The following FHOD3 variants were observed in gnomAD, a reference collection of about 807,000 sequenced individuals.
FHOD3 encodes the protein FH1/FH2 domain-containing protein 3.
FHOD3 carries 90 observed loss-of-function variants against 173.0 expected under a neutral mutation model. The observed-to-expected ratio is 0.52, with a 90% CI of 0.44 to 0.62. The LOEUF (loss-of-function observed/expected upper bound fraction) is 0.62, where lower values mean the gene tolerates loss of function less well. Ranked by LOEUF, FHOD3 falls within the 20% of genes least tolerant of loss-of-function variation. FHOD3 has a pLI of 0.00. For synonymous variants in FHOD3, 828 were observed against 823.0 expected (o/e 1.01, Z -0.10); for missense variants, 1,945 against 2,034.7 (o/e 0.96, Z 0.85).
At chr18:36,464,915 C>T (rs928146765) in intron 3 of FHOD3, among the ~76,000 whole-genome samples, 2 of 152,066 alleles carry the variant, frequency 1.3e-5, no homozygotes, top group African/African-American at 2.4e-5. Context: ...CTTCAGTGTC[C>T]GACTATCTTT....
At chr18:36,443,056 C>T (rs909682467) in intron 3 of FHOD3, among the ~76,000 whole-genome samples, 6 of 152,190 alleles carry the variant, frequency 3.9e-5, no homozygotes, top group Non-Finnish European at 7.3e-5. Context: ...ATGCCCTTCT[C>T]AGTTCATTGT....
intron 28 of FHOD3, among the ~76,000 whole-genome samples, chr18:36,770,525 G>C (rs1342844326): frequency 6.6e-6 from 1 of 152,174 alleles, no homozygotes; most frequent in Non-Finnish European, 1.5e-5. Context: ...TTTCGTTTCT[G>C]ATGAGAATTT....
chr18:36,475,185 C>CCCCAGA (rs946190275), intron 3 of FHOD3, among the ~76,000 whole-genome samples: 2 of 152,182 alleles, frequency 1.3e-5, no homozygotes, highest in African/African-American at 4.8e-5. Context: ...CAGAAGCCCA[C>CCCCAGA]AGGTGGTTCA....
At chr18:36,309,775 G>A (rs2092205634) in intron 1 of FHOD3, among the ~76,000 whole-genome samples, 1 of 151,782 alleles carries the variant, frequency 6.6e-6, no homozygotes, top group Non-Finnish European at 1.5e-5. Context: ...GTGGTTTTTT[G>A]TTCCCAGAAC....
intron 10 of FHOD3, among the ~76,000 whole-genome samples, chr18:36,629,324 A>T (rs978334053): frequency 2.0e-5 from 3 of 152,232 alleles, no homozygotes; most frequent in Non-Finnish European, 4.4e-5. Context: ...TTCCAGTGAC[A>T]TTTTATTTAT....
chr18:36,549,590 T>A (rs1395721983), intron 5 of FHOD3, among the ~76,000 whole-genome samples: 1 of 134,162 alleles, frequency 7.5e-6, no homozygotes, highest in African/African-American at 2.8e-5. Flanking sequence ...CAGGCTGGAG[T>A]GCAGTGGTGT....
chr18:36,326,492 C>T (rs148457948), intron 1 of FHOD3, among the ~76,000 whole-genome samples: 6 of 152,258 alleles, frequency 3.9e-5, no homozygotes, highest in Non-Finnish European at 7.4e-5. Context: ...TCAGGTCAGG[C>T]GCGGTTGCTC....
At chr18:36,346,060 A>G (rs1255891670) in intron 1 of FHOD3, among the ~76,000 whole-genome samples, 1 of 152,182 alleles carries the variant, frequency 6.6e-6, no homozygotes, top group Admixed American at 6.5e-5. Flanking sequence ...TAGACATAAC[A>G]CGTTAAAAAC....
intron 5 of FHOD3, among the ~76,000 whole-genome samples, chr18:36,576,070 C>T (rs758330914): frequency 1.3e-5 from 2 of 152,214 alleles, no homozygotes; most frequent in Non-Finnish European, 2.9e-5. Flanking sequence ...TTGGAAACTT[C>T]GTTTGTCCTT....
chr18:36,606,669 G>C (rs2148546989), intron 8 of FHOD3, among the ~76,000 whole-genome samples: 1 of 152,252 alleles, frequency 6.6e-6, no homozygotes, highest in East Asian at 1.9e-4. Context: ...AGTCTCATCT[G>C]AATCAGGTAT....
chr18:36,503,312 A>C (rs775020574), intron 4 of FHOD3, among the ~76,000 whole-genome samples: 1 of 152,190 alleles, frequency 6.6e-6, no homozygotes, highest in Non-Finnish European at 1.5e-5. Context: ...TCTAGTTTAC[A>C]TTCTACTTCT....
At chr18:36,335,928 G>A (rs2045284972) in intron 1 of FHOD3, among the ~76,000 whole-genome samples, 1 of 152,292 alleles carries the variant, frequency 6.6e-6, no homozygotes, top group Admixed American at 6.5e-5. Flanking sequence ...TGAAAACCGG[G>A]TTATACTCAT....
intron 3 of FHOD3, among the ~76,000 whole-genome samples, chr18:36,454,957 C>T (rs1302558912): frequency 6.6e-6 from 1 of 152,226 alleles, no homozygotes; most frequent in Non-Finnish European, 1.5e-5. Context: ...ACCTTTCTCT[C>T]ATCTGCAGAG....
At chr18:36,502,144 C>T (rs184541219) in intron 4 of FHOD3, 145 bp downstream of exon 4, 468 of 420,616 alleles carry the variant, frequency 1.1e-3, no homozygotes, top group Non-Finnish European at 1.8e-3. Context: ...TACATTAGGT[C>T]ATAATATCAG....
intron 1 of FHOD3, among the ~76,000 whole-genome samples, chr18:36,300,988 C>T (rs1326578926): frequency 6.6e-6 from 1 of 152,142 alleles, no homozygotes; most frequent in East Asian, 1.9e-4. Flanking sequence ...GTGATCTGCC[C>T]ACCTCGGCCT....
chr18:36,754,224 A>G (rs963363347), intron 24 of FHOD3, among the ~76,000 whole-genome samples: 1 of 152,154 alleles, frequency 6.6e-6, no homozygotes, highest in African/African-American at 2.4e-5. Context: ...ATTCGTCTCA[A>G]AAAGAGTAAG....
At chr18:36,441,471 G>A (rs1327789473) in intron 3 of FHOD3, among the ~76,000 whole-genome samples, 1 of 152,216 alleles carries the variant, frequency 6.6e-6, no homozygotes, top group Non-Finnish European at 1.5e-5. Flanking sequence ...TGTGACTGGA[G>A]ACAGGGAGGC....
chr18:36,491,206 T>C (rs2054452300), intron 3 of FHOD3, among the ~76,000 whole-genome samples: 1 of 152,192 alleles, frequency 6.6e-6, no homozygotes. Flanking sequence ...GCCTGGGGAC[T>C]CTCCCACTTC....
At chr18:36,707,685 C>A (rs1257856984) in intron 17 of FHOD3, among the ~76,000 whole-genome samples, 1 of 152,180 alleles carries the variant, frequency 6.6e-6, no homozygotes, top group Non-Finnish European at 1.5e-5. Context: ...TGCCCATGCC[C>A]AGCCTGCTGG....
Sources: gnomAD v4.1 joint callset for allele counts (sites outside exome capture counted in the v4.1 genomes callset) on GRCh38, gnomAD v4.1.1 for gene constraint, MANE v1.5 for transcripts, NCBI Gene and HGNC (gene_info 2026-07-23, HGNC 2026-07-21) for gene names.